TNR: variants seen among roughly 807,000 people sequenced by gnomAD.
TNR encodes the protein tenascin-R.
In TNR, 45 loss-of-function variants were observed where a neutral mutation model predicts 150.4. The ratio of observed to expected loss-of-function variants is 0.30; its 90% confidence interval spans 0.24 to 0.38. TNR has a LOEUF of 0.38. Ranked by LOEUF, TNR falls within the 10% of genes least tolerant of loss-of-function variation. TNR has a pLI of 1.00. For synonymous variants in TNR, 687 were observed against 678.4 expected (o/e 1.01, Z -0.20); for missense variants, 1,544 against 1,759.1 (o/e 0.88, Z 2.19).
chr1:175,464,037 C>T (rs1482852868), intron 2 of TNR, among the ~76,000 whole-genome samples: 1 of 152,236 alleles, frequency 6.6e-6, no homozygotes, highest in African/African-American at 2.4e-5. Context: ...GTGGTTATCA[C>T]ATAAGCTTGT....
chr1:175,465,471 G>A (rs868457062), intron 2 of TNR, among the ~76,000 whole-genome samples: 5 of 152,172 alleles, frequency 3.3e-5, no homozygotes, highest in Non-Finnish European at 5.9e-5. Flanking sequence ...GTCCTTATGG[G>A]ATTTTTTTAT....
intron 1 of TNR, among the ~76,000 whole-genome samples, chr1:175,680,750 G>C (rs767225392): frequency 6.6e-6 from 1 of 152,200 alleles, no homozygotes; most frequent in Non-Finnish European, 1.5e-5. Flanking sequence ...GGGGTGCTAT[G>C]AGCACGTGGG....
chr1:175,623,694 T>A (rs1664052341), intron 1 of TNR, among the ~76,000 whole-genome samples: 1 of 152,232 alleles, frequency 6.6e-6, no homozygotes, highest in East Asian at 1.9e-4. Flanking sequence ...AACTCCTCTT[T>A]GCAGAGAAGA....
intron 2 of TNR, among the ~76,000 whole-genome samples, chr1:175,413,963 C>T (rs1456526609): frequency 1.3e-5 from 2 of 152,020 alleles, no homozygotes; most frequent in Non-Finnish European, 2.9e-5. Flanking sequence ...CGAAACCATG[C>T]CTTTACAAAA....
At chr1:175,340,959 C>T (rs896561093) in intron 18 of TNR, among the ~76,000 whole-genome samples, 7 of 151,986 alleles carry the variant, frequency 4.6e-5, no homozygotes, top group African/African-American at 7.3e-5. Context: ...GGATTGAGTG[C>T]GATAGGAAGG....
intron 1 of TNR, among the ~76,000 whole-genome samples, chr1:175,663,034 A>T (rs986374252): frequency 6.6e-6 from 1 of 152,212 alleles, no homozygotes; most frequent in Non-Finnish European, 1.5e-5. Context: ...AATTCATGTA[A>T]CATCCTCAGC....
At chr1:175,416,804 C>A (rs1161901910) in intron 2 of TNR, among the ~76,000 whole-genome samples, 1 of 152,058 alleles carries the variant, frequency 6.6e-6, no homozygotes, top group Non-Finnish European at 1.5e-5. Flanking sequence ...GTCAGGAGAT[C>A]GAGACTGTCC....
At chr1:175,558,060 G>A (rs552134186) in intron 1 of TNR, among the ~76,000 whole-genome samples, 1 of 119,802 alleles carries the variant, frequency 8.3e-6, no homozygotes, top group Non-Finnish European at 1.7e-5. Context: ...CTCATAGGTG[G>A]GAATTGAACA....
In TNR at chr1:175,379,504, G is replaced by T. The variant is rs1652569054; in HGVS notation, c.1963+48C>A. 5.8e-6 allele frequency: 9 copies of T among 1,556,668 alleles called. No homozygotes were observed. The East Asian group carries it at 2.0e-4, about 35-fold the overall frequency. Reference sequence around the variant, plus strand: ...GTAGGTTGGGGAGACAGCTGTGAGGGTATAGACTCAGCAACCAGCATAACC... The same window carrying T: ...GTAGGTTGGGGAGACAGCTGTGAGGTTATAGACTCAGCAACCAGCATAACC... On this transcript the variant is annotated intron_variant, in intron 9 of 22. Transcript: ENST00000367674.
At position 175,722,760 on chromosome 1, in the gene TNR, C is replaced by T. The variant is rs531511704; in HGVS notation, c.-165+20466G>A. On this transcript the variant is annotated intron_variant, in intron 1 of 22. Transcript: ENST00000367674. ...GGGATTACAGGCATGAGCCACTGTG[C>T]CTGGCCTATTTTTGTTATATATATA... is the stretch of plus-strand genomic sequence containing the variant. Among the ~76,000 whole-genome samples the T allele has an allele frequency of 1.1e-4, 16 of 149,134 alleles. No individual in the cohort carries two copies. In the East Asian group the frequency reaches 1.4e-3, roughly 13 times the overall value.
intron 1 of TNR, among the ~76,000 whole-genome samples, chr1:175,723,858 G>A (rs1667408281): frequency 2.0e-5 from 3 of 152,150 alleles, no homozygotes; most frequent in Admixed American, 1.3e-4. Flanking sequence ...GCAACAGAGT[G>A]AGATTCTGTC....
chr1:175,444,717 C>A (rs1655956781), intron 2 of TNR, among the ~76,000 whole-genome samples: 1 of 152,178 alleles, frequency 6.6e-6, no homozygotes, highest in African/African-American at 2.4e-5. Context: ...CACAACCAGA[C>A]AACTCTAAAT....
At chr1:175,630,975 C>T (rs557525357) in intron 1 of TNR, among the ~76,000 whole-genome samples, 20 of 152,188 alleles carry the variant, frequency 1.3e-4, no homozygotes, top group Admixed American at 2.0e-4. Flanking sequence ...TAATTAATTT[C>T]GGCTTTATCT....
intron 1 of TNR, among the ~76,000 whole-genome samples, chr1:175,586,692 A>G (rs1454521020): frequency 6.6e-6 from 1 of 152,180 alleles, no homozygotes; most frequent in East Asian, 1.9e-4. Flanking sequence ...ACCTATGGAG[A>G]AAAAAGTGGC....
Position 175,315,417 on chromosome 1 carries a change from T to G in TNR, c.*7940A>C, listed in dbSNP as rs1183569423. ...TTTTAGCTAATTAAAGTGTGCATCG[T>G]CTGAGGAGTATGTACTCCATTTTCT... On this transcript the variant is annotated 3_prime_UTR_variant, in exon 23 of 23. Transcript: ENST00000367674. The G allele has an allele frequency of 5.9e-5, 9 of 152,208 alleles. No homozygotes were observed. The highest frequency in any genetic ancestry group is 5.2e-4 in the Admixed American group (8 of 15,286). The allele number at this position is 152,208 out of a possible 1,614,324, so 9.4% of individuals were successfully genotyped here. A position where few individuals can be genotyped will look rare whatever the true frequency, so the allele number is the denominator to read the frequency against.
chr1:175,493,528 C>T (rs1557967609), intron 2 of TNR, among the ~76,000 whole-genome samples: 1 of 152,218 alleles, frequency 6.6e-6, no homozygotes, highest in Non-Finnish European at 1.5e-5. Context: ...GAAGGTCATC[C>T]CCCGGATTTC....
intron 2 of TNR, among the ~76,000 whole-genome samples, chr1:175,498,538 G>C (rs535556202): frequency 1.3e-5 from 2 of 152,334 alleles, no homozygotes; most frequent in Middle Eastern, 6.8e-3. Context: ...GCCTTCTGTT[G>C]TGCAGCATCT....
At chr1:175,635,440 G>T (rs1436538039) in intron 1 of TNR, among the ~76,000 whole-genome samples, 1 of 152,118 alleles carries the variant, frequency 6.6e-6, no homozygotes, top group African/African-American at 2.4e-5. Context: ...TCCAATATTC[G>T]GCAAGAGTGA....
At chr1:175,367,559 T>C (rs1177286649) in intron 9 of TNR, among the ~76,000 whole-genome samples, 1 of 152,196 alleles carries the variant, frequency 6.6e-6, no homozygotes, top group Non-Finnish European at 1.5e-5. Context: ...GTCAGTGACC[T>C]TCAGAGGTGT....
Sources: allele counts gnomAD v4.1 joint callset (sites outside exome capture counted in the v4.1 genomes callset), GRCh38; gene constraint gnomAD v4.1.1; transcripts MANE v1.5; gene names NCBI Gene and HGNC (gene_info 2026-07-23, HGNC 2026-07-21).